TLCD4: variants seen among roughly 807,000 people sequenced by gnomAD.
TLCD4 encodes TLC domain-containing protein 4.
Under a neutral mutation model 24.2 loss-of-function variants are expected in TLCD4, and 7 were observed. The observed-to-expected ratio is 0.29, with a 90% CI of 0.16 to 0.54. The LOEUF (loss-of-function observed/expected upper bound fraction) is 0.54. TLCD4 is among the 20% of genes least tolerant of loss of function. TLCD4 has a pLI of 0.95. For missense variants in TLCD4, 259 were observed against 313.9 expected (o/e 0.82, Z 1.32); for synonymous variants, 103 against 106.4 (o/e 0.97, Z 0.20).
At chr1:95,126,518 A>G (rs1676740830) in intron 1 of TLCD4, among the ~76,000 whole-genome samples, 1 of 151,952 alleles carries the variant, frequency 6.6e-6, no homozygotes, top group Non-Finnish European at 1.5e-5. Context: ...CCATCCATAG[A>G]CCCTAGTAGC....
rs1679224343 is a variant in TLCD4 at position 95,197,003 on chromosome 1, A to T, written c.*5135A>T. The stretch of plus-strand genomic sequence containing the variant: ...AATAATGACTTTTAGATTTTATTTG[A>T]AAAAGCTACTTGGAAAGCAGTAAAT... On this transcript the variant is annotated 3_prime_UTR_variant, in exon 7 of 7. Transcript: ENST00000370203. 1 of 152,126 alleles carries T rather than the reference A, an allele frequency of 6.6e-6. No homozygotes were observed. The highest frequency in any genetic ancestry group is 1.5e-5 in the Non-Finnish European group (1 of 67,992). 9.4% of individuals were successfully genotyped at this position (152,126 alleles called of 1,614,324 possible). A position where few individuals can be genotyped will look rare whatever the true frequency, so the allele number is the denominator to read the frequency against.
At chr1:95,116,918 G>A (rs570572102), upstream of TLCD4, among the ~76,000 whole-genome samples, 1 of 152,196 alleles carries the variant, frequency 6.6e-6, no homozygotes, top group Non-Finnish European at 1.5e-5. Context: ...GGCGGGACTC[G>A]AGTGTGGCCG....
At chr1:95,152,699 T>C (rs1286961890) in intron 5 of TLCD4, among the ~76,000 whole-genome samples, 3 of 152,162 alleles carry the variant, frequency 2.0e-5, no homozygotes, top group Non-Finnish European at 4.4e-5. Flanking sequence ...ATTTAGAGCT[T>C]AATGAATCCT....
intron 2 of TLCD4, among the ~76,000 whole-genome samples, chr1:95,146,106 A>G (rs1176174738): frequency 1.3e-5 from 2 of 151,984 alleles, no homozygotes; most frequent in Non-Finnish European, 2.9e-5. Flanking sequence ...AATTCTTTCT[A>G]GTGATCAGGA....
At chr1:95,190,096 CTTT>C (rs71097254) in intron 6 of TLCD4, among the ~76,000 whole-genome samples, 15 of 135,166 alleles carry the variant, frequency 1.1e-4, no homozygotes, top group East Asian at 4.2e-4. Flanking sequence ...TTTGCACTTT[CTTT>C]TTTTTTTTTT....
chr1:95,193,083 T>C lies in TLCD4; in HGVS notation c.*1215T>C, dbSNP rs1347563696. 1 of 152,160 alleles carries C rather than the reference T, an allele frequency of 6.6e-6. No homozygotes were observed. Among genetic ancestry groups the C allele is most frequent in the African/African-American group, 2.4e-5 (1 of 41,446 alleles). 9.4% of individuals were successfully genotyped at this position (152,160 alleles called of 1,614,324 possible). On this transcript the variant is annotated 3_prime_UTR_variant, in exon 7 of 7. Transcript: ENST00000370203. Reference sequence around the variant, plus strand: ...CAGCACCATCAGTACCAAAGTCTTATGCAATATGTATTTATTATGCTCCTG... The same window carrying C: ...CAGCACCATCAGTACCAAAGTCTTACGCAATATGTATTTATTATGCTCCTG...
chr1:95,162,685 AAGGC>A (rs140168964), intron 5 of TLCD4, among the ~76,000 whole-genome samples: 66,600 of 151,268 alleles, frequency 0.44, 16,019 homozygotes, highest in Middle Eastern at 0.57. Flanking sequence ...GAGCTCTTGT[AAGGC>A]AGGCGTGGTG....
At chr1:95,113,827 G>A (rs1401265146), upstream of TLCD4, among the ~76,000 whole-genome samples, 1 of 152,006 alleles carries the variant, frequency 6.6e-6, no homozygotes, top group East Asian at 1.9e-4. Context: ...AAATGGGGAG[G>A]ATTGTTTCTG....
intron 2 of TLCD4, among the ~76,000 whole-genome samples, chr1:95,145,308 G>T (rs1677314209): frequency 6.6e-6 from 1 of 152,076 alleles, no homozygotes; most frequent in Admixed American, 6.6e-5. Flanking sequence ...ATTTATTTGA[G>T]AATGGTCATA....
At chr1:95,118,125 A>G in intron 1 of TLCD4, 1 of 152,416 alleles carries the variant, frequency 6.6e-6, no homozygotes, top group East Asian at 1.9e-4. Context: ...ACCTTCTGAA[A>G]CAAGTAGCTC....
At chr1:95,159,452 G>A (rs1203811873) in intron 5 of TLCD4, among the ~76,000 whole-genome samples, 3 of 152,172 alleles carry the variant, frequency 2.0e-5, no homozygotes, top group Non-Finnish European at 4.4e-5. Flanking sequence ...CTCTCATTCT[G>A]TAGGTTGCAT....
intron 5 of TLCD4, among the ~76,000 whole-genome samples, chr1:95,155,770 A>G (rs1241979657): frequency 6.9e-6 from 1 of 144,612 alleles, no homozygotes. Context: ...TTTTTTTAAG[A>G]TTTTTTTATT....
chr1:95,108,286 TG>T, the TLCD4 span, among the ~76,000 whole-genome samples: 1 of 152,236 alleles, frequency 6.6e-6, no homozygotes, highest in Non-Finnish European at 1.5e-5. Context: ...TAATCTTTTA[TG>T]GCTTTTAGAT....
rs1404124720 is a variant in TLCD4 at position 95,164,212 on chromosome 1, C to A, written c.400-9604C>A. 2.0e-5 allele frequency: 3 copies of A among 153,812 alleles called. No individual in the cohort carries two copies. In the East Asian group the frequency reaches 5.7e-4, roughly 29 times the overall value. 9.5% of individuals were successfully genotyped at this position (153,812 alleles called of 1,614,324 possible). A position where few individuals can be genotyped will look rare whatever the true frequency, so the allele number is the denominator to read the frequency against. ...AGCCTTAGCAATGGCGGATGCCCCTCCCCCAGCCTCACTGCCGCCTTGCAG... is the reference window on the plus strand; with the variant it reads ...AGCCTTAGCAATGGCGGATGCCCCTACCCCAGCCTCACTGCCGCCTTGCAG... On this transcript the variant is annotated intron_variant, in intron 5 of 6. Coordinates refer to ENST00000370203, the MANE Select transcript of TLCD4 (RefSeq NM_152487.3).
chr1:95,096,356 A>G, the TLCD4 span, among the ~76,000 whole-genome samples: 4 of 152,274 alleles, frequency 2.6e-5, no homozygotes, highest in Non-Finnish European at 1.5e-5. Flanking sequence ...ATGAGTAACT[A>G]TGACCATCTG....
At chr1:95,147,434 T>C (rs1677383788) in intron 2 of TLCD4, among the ~76,000 whole-genome samples, 1 of 152,216 alleles carries the variant, frequency 6.6e-6, no homozygotes, top group South Asian at 2.1e-4. Context: ...TATAGACTTG[T>C]AAACCAGATA....
intron 1 of TLCD4, among the ~76,000 whole-genome samples, chr1:95,132,967 G>A (rs1258690124): frequency 6.6e-6 from 1 of 152,108 alleles, no homozygotes; most frequent in East Asian, 1.9e-4. Flanking sequence ...TGATGTGGAT[G>A]GGGACAACAG....
At chr1:95,164,816 A>T (rs1255300976) in intron 5 of TLCD4, 2 of 152,218 alleles carry the variant, frequency 1.3e-5, no homozygotes, top group Admixed American at 1.3e-4. Flanking sequence ...TACACATAGA[A>T]AATCAGTAAA....
At chr1:95,150,367 A>G (rs1677461827) in intron 4 of TLCD4, 101 bp downstream of exon 4, 1 of 1,451,808 alleles carries the variant, frequency 6.9e-7, no homozygotes, top group African/African-American at 1.4e-5. Context: ...GAGAGATAGC[A>G]TTTAGGAAGC....
Sources: gnomAD v4.1 joint callset for allele counts (sites outside exome capture counted in the v4.1 genomes callset) on GRCh38, gnomAD v4.1.1 for gene constraint, MANE v1.5 for transcripts, NCBI Gene and HGNC (gene_info 2026-07-23, HGNC 2026-07-21) for gene names.